The following SNTG1 variants were observed in gnomAD, a reference collection of about 807,000 sequenced individuals.
SNTG1 encodes the protein syntrophin gamma 1.
In SNTG1, 39 loss-of-function variants were observed where a neutral mutation model predicts 74.7. That is an observed-to-expected ratio of 0.52 (90% CI 0.40 to 0.68). The LOEUF is 0.68. SNTG1 is among the 30% of genes least tolerant of loss of function. SNTG1 has a pLI of 0.00. For synonymous variants in SNTG1, 254 were observed against 217.1 expected, an observed-to-expected ratio of 1.17 and a Z score of -1.49; for missense variants, 685 against 609.5, an observed-to-expected ratio of 1.12 and a Z score of -1.30.
intron 1 of SNTG1, among the ~76,000 whole-genome samples, chr8:50,142,693 T>C (rs932864166): frequency 8.5e-5 from 13 of 152,142 alleles, no homozygotes; most frequent in Non-Finnish European, 1.3e-4. Context: ...ATACAAGTGT[T>C]ACAAGCATAT....
At chr8:50,661,517 T>C (rs753706120) in intron 15 of SNTG1, among the ~76,000 whole-genome samples, 2 of 152,180 alleles carry the variant, frequency 1.3e-5, no homozygotes, top group Non-Finnish European at 2.9e-5. Context: ...ATATACAATT[T>C]TCTATAAGCC....
At chr8:50,381,779 A>ATG (rs1288949227) in intron 2 of SNTG1, 2 of 129,570 alleles carry the variant, frequency 1.5e-5, no homozygotes, top group Non-Finnish European at 3.4e-5. Context: ...TTATATATAT[A>ATG]GGATATATAT....
At chr8:50,499,795 A>T (rs746520037) in intron 8 of SNTG1, among the ~76,000 whole-genome samples, 23 of 151,948 alleles carry the variant, frequency 1.5e-4, no homozygotes, top group South Asian at 8.3e-4. Flanking sequence ...TTAGGTTTTT[A>T]TGTGGTTAAT....
chr8:50,547,486 A>G (rs1428438026), intron 11 of SNTG1, among the ~76,000 whole-genome samples: 1 of 152,136 alleles, frequency 6.6e-6, no homozygotes, highest in Admixed American at 6.6e-5. Flanking sequence ...TTCTAGATGA[A>G]TTTTGTATAG....
chr8:50,223,373 A>T (rs1304142222), intron 2 of SNTG1, among the ~76,000 whole-genome samples: 1 of 152,216 alleles, frequency 6.6e-6, no homozygotes, highest in Non-Finnish European at 1.5e-5. Context: ...CCTAATAGAA[A>T]AGGAATATAA....
chr8:50,644,888 G>C (rs2131194187), intron 13 of SNTG1, among the ~76,000 whole-genome samples: 1 of 150,852 alleles, frequency 6.6e-6, no homozygotes, highest in African/African-American at 2.4e-5. Flanking sequence ...GGACTGTTGT[G>C]GCCTAAAGAA....
At chr8:50,293,590 A>G (rs1163727180) in intron 2 of SNTG1, among the ~76,000 whole-genome samples, 1 of 151,840 alleles carries the variant, frequency 6.6e-6, no homozygotes, top group Non-Finnish European at 1.5e-5. Flanking sequence ...TTGTAATTTT[A>G]GTAGAGATGG....
intron 1 of SNTG1, among the ~76,000 whole-genome samples, chr8:50,148,769 TG>T (rs1451496763): frequency 2.0e-5 from 3 of 152,228 alleles, no homozygotes; most frequent in Non-Finnish European, 4.4e-5. Context: ...ATGGTCTATA[TG>T]TGCCACATTT....
chr8:50,359,498 C>T (rs1223560410), intron 2 of SNTG1, among the ~76,000 whole-genome samples: 1 of 152,178 alleles, frequency 6.6e-6, no homozygotes, highest in Non-Finnish European at 1.5e-5. Flanking sequence ...TTTTGCATCT[C>T]TGTTTTCCTT....
chr8:50,725,872 C>T (rs917151428), intron 17 of SNTG1, among the ~76,000 whole-genome samples: 4 of 152,142 alleles, frequency 2.6e-5, no homozygotes, highest in Admixed American at 6.5e-5. Flanking sequence ...AGCCTTGTGC[C>T]GATGCTGCTG....
At chr8:50,108,089 G>A (rs1215372195) in intron 1 of SNTG1, among the ~76,000 whole-genome samples, 1 of 152,112 alleles carries the variant, frequency 6.6e-6, no homozygotes, top group Non-Finnish European at 1.5e-5. Flanking sequence ...AAGTTTTGAT[G>A]AGGTAGCCAC....
At chr8:50,772,799 T>A (rs1163664416) in intron 18 of SNTG1, among the ~76,000 whole-genome samples, 2 of 152,164 alleles carry the variant, frequency 1.3e-5, no homozygotes, top group African/African-American at 2.4e-5. Flanking sequence ...AATTCCCTGC[T>A]GCAAAGGTGG....
chr8:50,475,059 A>G (rs1354593060), intron 8 of SNTG1, among the ~76,000 whole-genome samples: 1 of 118,392 alleles, frequency 8.4e-6, no homozygotes, highest in African/African-American at 3.2e-5. Context: ...GGGGAACATC[A>G]CACACTGGGG....
At chr8:50,583,723 T>G (rs1463567986) in intron 12 of SNTG1, among the ~76,000 whole-genome samples, 5 of 152,046 alleles carry the variant, frequency 3.3e-5, no homozygotes, top group Admixed American at 2.6e-4. Context: ...GCTTTTTTTT[T>G]TTTTTCTGCT....
chr8:50,721,913 A>G (rs75182515), intron 17 of SNTG1, among the ~76,000 whole-genome samples: 178 of 152,236 alleles, frequency 1.2e-3, no homozygotes, highest in African/African-American at 4.2e-3. Context: ...AGAATGCATC[A>G]CACACACTAA....
intron 2 of SNTG1, among the ~76,000 whole-genome samples, chr8:50,223,082 A>T (rs1246973248): frequency 6.6e-6 from 1 of 152,158 alleles, no homozygotes; most frequent in African/African-American, 2.4e-5. Flanking sequence ...ATATAAATTT[A>T]AAATTTTCCA....
At chr8:50,022,432 A>G (rs1816910122) in intron 1 of SNTG1, among the ~76,000 whole-genome samples, 1 of 152,216 alleles carries the variant, frequency 6.6e-6, no homozygotes, top group Non-Finnish European at 1.5e-5. Flanking sequence ...CTAGTAGGAC[A>G]GATGATGGAA....
chr8:50,357,368 A>G (rs1038418717), intron 2 of SNTG1, among the ~76,000 whole-genome samples: 1 of 152,232 alleles, frequency 6.6e-6, no homozygotes, highest in African/African-American at 2.4e-5. Context: ...GAACAGGTTT[A>G]CACATTGTTT....
chr8:50,120,424 A>T (rs138358327), intron 1 of SNTG1, among the ~76,000 whole-genome samples: 1 of 140,134 alleles, frequency 7.1e-6, no homozygotes, highest in Non-Finnish European at 1.6e-5. Flanking sequence ...CCCTACTAGT[A>T]CTACTACTAC....
Sources: allele counts gnomAD v4.1 joint callset (sites outside exome capture counted in the v4.1 genomes callset), GRCh38; gene constraint gnomAD v4.1.1; transcripts MANE v1.5; gene names NCBI Gene and HGNC (gene_info 2026-07-23, HGNC 2026-07-21).